SGCG: variants seen among roughly 807,000 people sequenced by gnomAD.
The protein encoded by SGCG is gamma-sarcoglycan.
In SGCG, 26 loss-of-function variants were observed where a neutral mutation model predicts 29.3. That is an observed-to-expected ratio of 0.89 (90% confidence interval 0.65 to 1.23). SGCG has a LOEUF of 1.23. Ranked by LOEUF, SGCG falls within the 50% of genes most tolerant of loss-of-function variation. SGCG has a pLI of 0.00. For synonymous variants in SGCG, 145 were observed against 129.7 expected, an observed-to-expected ratio of 1.12 and a Z score of -0.80; for missense variants, 353 against 356.0, an observed-to-expected ratio of 0.99 and a Z score of 0.07.
chr13:23,219,811 G>GT (rs1217682345), intron 2 of SGCG, among the ~76,000 whole-genome samples: 3 of 140,400 alleles, frequency 2.1e-5, no homozygotes, highest in Non-Finnish European at 3.1e-5. Flanking sequence ...CTGAAACTAG[G>GT]TTTACATTTC....
chr13:23,235,717 C>T (rs898606733), intron 3 of SGCG, among the ~76,000 whole-genome samples: 1 of 152,148 alleles, frequency 6.6e-6, no homozygotes, highest in African/African-American at 2.4e-5. Flanking sequence ...AAAACTTCAC[C>T]CAGCTATAAC....
chr13:23,314,970 G>A (rs1050331397), intron 6 of SGCG, among the ~76,000 whole-genome samples: 3 of 152,142 alleles, frequency 2.0e-5, no homozygotes, highest in Non-Finnish European at 2.9e-5. Context: ...TCCAGAACAC[G>A]AGAATGCTCT....
intron 1 of SGCG, among the ~76,000 whole-genome samples, chr13:23,190,575 G>A (rs1432555271): frequency 1.3e-5 from 2 of 152,122 alleles, no homozygotes; most frequent in African/African-American, 4.8e-5. Context: ...AAGTTAACTG[G>A]ATTGGTTATG....
chr13:23,177,134 A>G (rs962238131), upstream of SGCG, among the ~76,000 whole-genome samples: 2 of 152,134 alleles, frequency 1.3e-5, no homozygotes, highest in African/African-American at 4.8e-5. Context: ...AAAGACAAAT[A>G]CTGCATGTTC....
chr13:23,311,435 T>C (rs1355541380), intron 6 of SGCG, among the ~76,000 whole-genome samples: 1 of 152,006 alleles, frequency 6.6e-6, no homozygotes, highest in Non-Finnish European at 1.5e-5. Context: ...AGGGTAGAGG[T>C]TTTTCACTTG....
At chr13:23,175,266 G>A in the SGCG span, among the ~76,000 whole-genome samples, 1 of 152,194 alleles carries the variant, frequency 6.6e-6, no homozygotes, top group Admixed American at 6.5e-5. Context: ...GATGAGCTAA[G>A]TAGTGACCTC....
chr13:23,174,956 C>T, the SGCG span, among the ~76,000 whole-genome samples: 1 of 152,044 alleles, frequency 6.6e-6, no homozygotes, highest in Non-Finnish European at 1.5e-5. Context: ...GCGGCGTGCA[C>T]CATGGTCACA....
intron 1 of SGCG, among the ~76,000 whole-genome samples, chr13:23,194,709 C>CCCTG (rs1161775492): frequency 5.9e-5 from 9 of 152,180 alleles, no homozygotes; most frequent in African/African-American, 2.2e-4. Context: ...TGATGACATA[C>CCCTG]CCTGATTGGT....
chr13:23,284,127 A>G (rs1209650357), intron 5 of SGCG, among the ~76,000 whole-genome samples: 1 of 151,980 alleles, frequency 6.6e-6, no homozygotes, highest in Non-Finnish European at 1.5e-5. Context: ...TGTTCTCTCT[A>G]TTTCCTGAAT....
chr13:23,177,103 A>T (rs61946650), upstream of SGCG, among the ~76,000 whole-genome samples: 8,721 of 152,278 alleles, frequency 0.057, 382 homozygotes, highest in Non-Finnish European at 0.08. Flanking sequence ...CATCATGTTA[A>T]GTAAAATAAG....
At chr13:23,226,155 C>T (rs1363473120) in intron 2 of SGCG, among the ~76,000 whole-genome samples, 4 of 152,120 alleles carry the variant, frequency 2.6e-5, no homozygotes, top group African/African-American at 9.7e-5. Flanking sequence ...TGACTATAAA[C>T]ATCAAACTAT....
At chr13:23,300,528 C>T (rs1007160397) in intron 6 of SGCG, among the ~76,000 whole-genome samples, 4 of 152,068 alleles carry the variant, frequency 2.6e-5, no homozygotes, top group Non-Finnish European at 4.4e-5. Context: ...ATCAGCCCAA[C>T]GATGTCACAA....
intron 7 of SGCG, among the ~76,000 whole-genome samples, chr13:23,321,777 C>T (rs1025964102): frequency 2.0e-5 from 3 of 152,048 alleles, no homozygotes; most frequent in Non-Finnish European, 4.4e-5. Flanking sequence ...AAAATCAAAA[C>T]TAAAACCAAA....
Position 23,184,387 on chromosome 13 carries a change from A to G in SGCG, c.-1+3312A>G, listed in dbSNP as rs183907883. ...CAAATTGAAGGTTTTTTTTTTTTCT[A>G]GAGGGGGCAGTGATAGTTGATTTGC... is the stretch of plus-strand genomic sequence containing the variant. On this transcript the variant is annotated intron_variant, in intron 1 of 7. Coordinates refer to ENST00000218867, the MANE Select transcript of SGCG (RefSeq NM_000231.3). Among the ~76,000 whole-genome samples the G allele has an allele frequency of 2.0e-3, 296 of 150,284 alleles. 1 individual carries two copies. The highest frequency in any genetic ancestry group is 6.9e-3 in the African/African-American group (282 of 41,030).
At chr13:23,163,188 C>T in the SGCG span, among the ~76,000 whole-genome samples, 2 of 152,074 alleles carry the variant, frequency 1.3e-5, no homozygotes, top group African/African-American at 4.8e-5. Flanking sequence ...AGTAAACTAG[C>T]ATATACATTT....
At chr13:23,201,415 G>A (rs1017581426) in intron 1 of SGCG, among the ~76,000 whole-genome samples, 1 of 152,082 alleles carries the variant, frequency 6.6e-6, no homozygotes, top group Non-Finnish European at 1.5e-5. Context: ...TCTCGAAAGG[G>A]AAAGACCATC....
chr13:23,255,098 A>G (rs1593200232), intron 4 of SGCG, among the ~76,000 whole-genome samples: 3 of 152,318 alleles, frequency 2.0e-5, no homozygotes, highest in East Asian at 1.9e-4. Context: ...TAGTGGAGCT[A>G]TGGGAAGGGA....
intron 2 of SGCG, among the ~76,000 whole-genome samples, chr13:23,228,662 CTA>C (rs1221684714): frequency 6.6e-6 from 1 of 152,116 alleles, no homozygotes; most frequent in Non-Finnish European, 1.5e-5. Flanking sequence ...TTGTTCCCCT[CTA>C]TGTTTCCATG....
intron 4 of SGCG, among the ~76,000 whole-genome samples, chr13:23,258,161 G>T (rs1880272930): frequency 6.6e-6 from 1 of 152,110 alleles, no homozygotes; most frequent in Non-Finnish European, 1.5e-5. Flanking sequence ...TCACGATATT[G>T]ATTCTTCCTA....
Sources: gnomAD v4.1 joint callset for allele counts (sites outside exome capture counted in the v4.1 genomes callset) on GRCh38, gnomAD v4.1.1 for gene constraint, MANE v1.5 for transcripts, NCBI Gene and HGNC (gene_info 2026-07-23, HGNC 2026-07-21) for gene names.